The following TUBGCP3 variants were observed in gnomAD, a reference collection of about 807,000 sequenced individuals.
TUBGCP3 encodes the protein tubulin gamma complex component 3.
A neutral mutation model predicts 123.1 loss-of-function variants in TUBGCP3; 50 were observed. That is an observed-to-expected ratio of 0.41 (90% CI 0.32 to 0.51). The LOEUF (loss-of-function observed/expected upper bound fraction) is 0.51, where lower values mean the gene tolerates loss of function less well. Among genes scored for constraint, TUBGCP3 ranks in the 20% least tolerant of loss-of-function variants. TUBGCP3 has a pLI of 0.36. For synonymous variants in TUBGCP3, 405 were observed against 413.9 expected (o/e 0.98, Z 0.26); for missense variants, 882 against 1,127.0 (o/e 0.78, Z 3.11).
At chr13:112,602,172 C>T in the TUBGCP3 span, among the ~76,000 whole-genome samples, 7 of 152,126 alleles carry the variant, frequency 4.6e-5, no homozygotes, top group East Asian at 1.9e-4. Context: ...GGCAGTGCCT[C>T]GCATTCAGAC....
intron 17 of TUBGCP3, among the ~76,000 whole-genome samples, chr13:112,510,921 T>A (rs920099149): frequency 4.6e-5 from 7 of 152,092 alleles, no homozygotes; most frequent in African/African-American, 1.7e-4. Flanking sequence ...TAGTGAAACA[T>A]ATGAATGATG....
At chr13:112,557,686 T>C (rs905001576) in intron 5 of TUBGCP3, among the ~76,000 whole-genome samples, 1 of 152,246 alleles carries the variant, frequency 6.6e-6, no homozygotes, top group Non-Finnish European at 1.5e-5. Context: ...ACCACATACA[T>C]AAAACCTTCG....
At chr13:112,488,131 C>CAAA (rs35453839) in intron 21 of TUBGCP3, among the ~76,000 whole-genome samples, 3 of 53,420 alleles carry the variant, frequency 5.6e-5, no homozygotes, top group African/African-American at 1.2e-4. Flanking sequence ...GACTTGGTCT[C>CAAA]AAAAAAAAAA....
At chr13:112,542,083 G>GT (rs2139153385) in intron 11 of TUBGCP3, among the ~76,000 whole-genome samples, 2 of 152,252 alleles carry the variant, frequency 1.3e-5, no homozygotes, top group South Asian at 4.1e-4. Context: ...GCTGGTCAAA[G>GT]TATTTCTCAT....
intron 8 of TUBGCP3, among the ~76,000 whole-genome samples, chr13:112,550,711 C>G (rs546449738): frequency 3.3e-5 from 5 of 152,266 alleles, no homozygotes; most frequent in Non-Finnish European, 7.3e-5. Context: ...GACATGGAAT[C>G]TGCTCAGGCA....
chr13:112,500,931 G>C (rs1880862579), intron 19 of TUBGCP3, among the ~76,000 whole-genome samples: 1 of 152,232 alleles, frequency 6.6e-6, no homozygotes. Flanking sequence ...CTGATCTCAA[G>C]TGAGACAAAG....
chr13:112,526,730 C>T (rs9604337), intron 13 of TUBGCP3, among the ~76,000 whole-genome samples: 13,619 of 150,786 alleles, frequency 0.09, 1,507 homozygotes, highest in African/African-American at 0.27. Context: ...TCAACATCAT[C>T]ACCACCATCA....
intron 19 of TUBGCP3, among the ~76,000 whole-genome samples, chr13:112,500,281 C>A (rs1369345420): frequency 6.6e-6 from 1 of 152,154 alleles, no homozygotes; most frequent in Non-Finnish European, 1.5e-5. Flanking sequence ...TAGGGCAGAA[C>A]CCTCTTAGCT....
intron 11 of TUBGCP3, among the ~76,000 whole-genome samples, chr13:112,531,292 A>G (rs75387108): frequency 0.016 from 2,445 of 152,328 alleles, 73 homozygotes; most frequent in African/African-American, 0.055. Flanking sequence ...TTAAGTATCA[A>G]TGTAAATGAC....
chr13:112,530,600 G>A (rs575261577), intron 11 of TUBGCP3, among the ~76,000 whole-genome samples: 2 of 152,338 alleles, frequency 1.3e-5, no homozygotes, highest in East Asian at 1.9e-4. Context: ...CCGACTGCAG[G>A]ACATGAGTAT....
At chr13:112,495,039 T>G (rs192195337) in intron 20 of TUBGCP3, among the ~76,000 whole-genome samples, 65 of 152,358 alleles carry the variant, frequency 4.3e-4, no homozygotes, top group Non-Finnish European at 5.4e-4. Context: ...CTTTGTTGAT[T>G]GTTTCCTTTG....
At chr13:112,569,641 G>C (rs527992968) in intron 1 of TUBGCP3, among the ~76,000 whole-genome samples, 1 of 152,228 alleles carries the variant, frequency 6.6e-6, no homozygotes, top group Non-Finnish European at 1.5e-5. Flanking sequence ...GCCAGAAGCA[G>C]GTCACTCAAC....
chr13:112,570,946 C>T (rs1195700830), intron 1 of TUBGCP3, among the ~76,000 whole-genome samples: 3 of 152,222 alleles, frequency 2.0e-5, no homozygotes, highest in African/African-American at 7.2e-5. Flanking sequence ...TAAAAAGCAA[C>T]TCCTCATCCC....
intron 19 of TUBGCP3, among the ~76,000 whole-genome samples, chr13:112,502,275 T>C (rs1447669820): frequency 6.6e-6 from 1 of 152,236 alleles, no homozygotes; most frequent in African/African-American, 2.4e-5. Flanking sequence ...TCGGTCTACC[T>C]GGCTGCAGAG....
At chr13:112,530,234 C>T (rs188563936) in intron 11 of TUBGCP3, among the ~76,000 whole-genome samples, 4 of 152,310 alleles carry the variant, frequency 2.6e-5, no homozygotes, top group Admixed American at 2.6e-4. Flanking sequence ...GTTATACTTG[C>T]ATTACTGGAA....
At chr13:112,598,407 G>T in the TUBGCP3 span, among the ~76,000 whole-genome samples, 1 of 151,314 alleles carries the variant, frequency 6.6e-6, no homozygotes, top group Admixed American at 6.6e-5. Flanking sequence ...AAATATGAAT[G>T]GATATTGATT....
intron 21 of TUBGCP3, among the ~76,000 whole-genome samples, chr13:112,488,982 C>G (rs1260791167): frequency 1.5e-5 from 2 of 134,542 alleles, no homozygotes; most frequent in African/African-American, 5.7e-5. Context: ...AAAGGGGTCA[C>G]CCCCAGGTCC....
At chr13:112,498,187 T>C (rs1217414905) in intron 20 of TUBGCP3, among the ~76,000 whole-genome samples, 2 of 152,306 alleles carry the variant, frequency 1.3e-5, no homozygotes, top group South Asian at 4.1e-4. Flanking sequence ...CAACTTAAGA[T>C]CGTTTGACTT....
intron 1 of TUBGCP3, among the ~76,000 whole-genome samples, chr13:112,576,659 G>GA (rs142475659): frequency 6.6e-6 from 1 of 151,520 alleles, no homozygotes; most frequent in Non-Finnish European, 1.5e-5. Context: ...CAACAAAGCT[G>GA]AAAAAAATAC....
Sources: allele counts gnomAD v4.1 joint callset (sites outside exome capture counted in the v4.1 genomes callset), GRCh38; gene constraint gnomAD v4.1.1; transcripts MANE v1.5; gene names NCBI Gene and HGNC (gene_info 2026-07-23, HGNC 2026-07-21).